Variants in CACNB2 observed in about 807,000 individuals in gnomAD.
The protein encoded by CACNB2 is calcium voltage-gated channel auxiliary subunit beta 2, also known as voltage-dependent L-type calcium channel subunit beta-2.
A neutral mutation model predicts 73.3 loss-of-function variants in CACNB2; 42 were observed. The observed-to-expected ratio is 0.57, with a 90% CI of 0.45 to 0.74. The LOEUF (loss-of-function observed/expected upper bound fraction) is 0.74, where lower values mean the gene tolerates loss of function less well. Among genes scored for constraint, CACNB2 ranks in the 30% least tolerant of loss-of-function variants. The probability of loss-of-function intolerance (pLI) is 0.00; values close to 1 mark genes in which losing one functional copy is unlikely to be tolerated. For synonymous variants in CACNB2, 348 were observed against 310.3 expected, an observed-to-expected ratio of 1.12 and a Z score of -1.28; for missense variants, 940 against 853.0, an observed-to-expected ratio of 1.10 and a Z score of -1.27.
At chr10:18,350,795 G>A (rs185009411) in intron 2 of CACNB2, among the ~76,000 whole-genome samples, 1 of 152,144 alleles carries the variant, frequency 6.6e-6, no homozygotes, top group African/African-American at 2.4e-5. Context: ...ACCATTTTCT[G>A]TTTGGTTTTT....
intron 2 of CACNB2, among the ~76,000 whole-genome samples, chr10:18,214,883 T>A (rs948977597): frequency 2.0e-5 from 3 of 152,180 alleles, no homozygotes; most frequent in African/African-American, 7.2e-5. Context: ...ACTGGCTGAA[T>A]GTCCCTGTGT....
intron 2 of CACNB2, among the ~76,000 whole-genome samples, chr10:18,259,228 C>A (rs924872926): frequency 1.3e-5 from 2 of 152,030 alleles, no homozygotes; most frequent in Non-Finnish European, 2.9e-5. Context: ...CCTCTATCAA[C>A]CTCTTAGACT....
At chr10:18,518,466 T>C in intron 8 of CACNB2, 50 bp downstream of exon 8, 3 of 1,227,914 alleles carry the variant, frequency 2.4e-6, no homozygotes, top group Non-Finnish European at 3.6e-6. Flanking sequence ...TGAACTTCTT[T>C]GTGATGCTGC....
Position 18,387,011 on chromosome 10 carries a change from G to A in CACNB2, c.214-14913G>A, listed in dbSNP as rs115408192. Among the ~76,000 whole-genome samples, 352 of 152,302 alleles carry A rather than the reference G, an allele frequency of 2.3e-3. 2 individuals are homozygous for A. Among genetic ancestry groups the A allele is most frequent in the African/African-American group, 7.1e-3 (293 of 41,560 alleles). ...TCCCTTCATAATTAAACGCTCCAGC[G>A]TATAATCACGGTGTATAATACTTCT... On this transcript the variant is annotated intron_variant, in intron 2 of 13. Coordinates refer to ENST00000324631, the MANE Select transcript of CACNB2 (RefSeq NM_201596.3).
At chr10:18,379,240 G>T (rs1039198127) in intron 2 of CACNB2, among the ~76,000 whole-genome samples, 15 of 151,834 alleles carry the variant, frequency 9.9e-5, no homozygotes, top group African/African-American at 2.9e-4. Context: ...TTGAGACAGG[G>T]GTCTCACTGT....
intron 3 of CACNB2, among the ~76,000 whole-genome samples, chr10:18,421,872 C>T (rs566230913): frequency 6.6e-6 from 1 of 152,188 alleles, no homozygotes; most frequent in South Asian, 2.1e-4. Context: ...GGGGTGTATT[C>T]CTTTGCTCTC....
chr10:18,477,193 C>T (rs1202874888), intron 3 of CACNB2, among the ~76,000 whole-genome samples: 1 of 152,096 alleles, frequency 6.6e-6, no homozygotes. Context: ...TGTCTCCAGG[C>T]CCTATTCTCC....
chr10:18,512,454 C>G (rs1223439656), intron 6 of CACNB2, among the ~76,000 whole-genome samples: 1 of 144,542 alleles, frequency 6.9e-6, no homozygotes. Flanking sequence ...TGAGAATTTT[C>G]CATTCTCTCT....
intron 2 of CACNB2, among the ~76,000 whole-genome samples, chr10:18,168,497 TTGTG>T (rs111401264): frequency 2.0e-5 from 3 of 149,818 alleles, no homozygotes; most frequent in Non-Finnish European, 4.5e-5. Flanking sequence ...TCTTCCTTCT[TTGTG>T]TGTGTGTGTG....
intron 2 of CACNB2, among the ~76,000 whole-genome samples, chr10:18,352,295 G>A (rs991473657): frequency 6.6e-6 from 1 of 152,188 alleles, no homozygotes; most frequent in Admixed American, 6.5e-5. Flanking sequence ...GAAAAAGCAT[G>A]GCATCTGATC....
intron 3 of CACNB2, among the ~76,000 whole-genome samples, chr10:18,491,041 C>A (rs907099642): frequency 6.6e-6 from 1 of 152,216 alleles, no homozygotes; most frequent in African/African-American, 2.4e-5. Context: ...ACAGTGCCCA[C>A]TGTTCCTGGT....
chr10:18,371,773 A>C (rs75344073), intron 2 of CACNB2, among the ~76,000 whole-genome samples: 8 of 152,132 alleles, frequency 5.3e-5, no homozygotes, highest in African/African-American at 1.4e-4. Context: ...CTGAGGAATC[A>C]CCACGCTGAC....
At chr10:18,164,207 A>G (rs1229100928) in intron 2 of CACNB2, among the ~76,000 whole-genome samples, 9 of 152,222 alleles carry the variant, frequency 5.9e-5, no homozygotes, top group Non-Finnish European at 1.2e-4. Flanking sequence ...TTAGAGCTGC[A>G]GACAGCTGTT....
chr10:18,482,796 G>C (rs1002218392), intron 3 of CACNB2, among the ~76,000 whole-genome samples: 5 of 152,164 alleles, frequency 3.3e-5, no homozygotes, highest in Admixed American at 3.3e-4. Flanking sequence ...ACAGGGATGA[G>C]CCACCACGCC....
chr10:18,242,494 A>G (rs539835850), intron 2 of CACNB2, among the ~76,000 whole-genome samples: 16 of 152,330 alleles, frequency 1.1e-4, no homozygotes, highest in African/African-American at 3.8e-4. Context: ...TGTTATTTTA[A>G]AATAGTAAAC....
chr10:18,340,667 C>T, intron 2 of CACNB2: 1 of 1,377,698 alleles, frequency 7.3e-7, no homozygotes, highest in Admixed American at 3.0e-5. Context: ...AAGACCCTCC[C>T]ACTTGCGTTT....
intron 2 of CACNB2, among the ~76,000 whole-genome samples, chr10:18,310,605 C>CAAAAAAA (rs1157466238): frequency 8.1e-5 from 3 of 36,862 alleles, no homozygotes; most frequent in African/African-American, 2.5e-4. Context: ...AACTCCATCT[C>CAAAAAAA]AAAAAAAAAA....
intron 2 of CACNB2, among the ~76,000 whole-genome samples, chr10:18,250,593 A>T (rs1472499272): frequency 6.6e-6 from 1 of 151,670 alleles, no homozygotes; most frequent in Non-Finnish European, 1.5e-5. Context: ...GCTAGCAATG[A>T]CTATGGACGA....
chr10:18,496,814 CAA>C lies in CACNB2; in HGVS notation c.334-1522_334-1521del, dbSNP rs905870687. ...GGGCAACAAGAGCGAAACTCCGCCT[CAA>C]AAAAAAAAAAAAAAAAAAGGAAAAA... On this transcript the variant is annotated intron_variant, in intron 3 of 13. Transcript: ENST00000324631. Among the ~76,000 whole-genome samples, 1,005 of 45,056 alleles carry C rather than the reference CAA, an allele frequency of 0.022. 16 individuals carry two copies. In the South Asian group the frequency reaches 0.23, roughly 10 times the overall value. 29.6% of individuals were successfully genotyped at this position (45,056 alleles called of 152,430 possible).
Sources: allele counts gnomAD v4.1 joint callset (sites outside exome capture counted in the v4.1 genomes callset), GRCh38; gene constraint gnomAD v4.1.1; transcripts MANE v1.5; gene names NCBI Gene and HGNC (gene_info 2026-07-23, HGNC 2026-07-21).